Variants in CYB5B observed in about 807,000 individuals in gnomAD.
CYB5B encodes cytochrome b5 type B (outer mitochondrial membrane).
A neutral mutation model predicts 21.3 loss-of-function variants in CYB5B; 14 were observed. That is an observed-to-expected ratio of 0.66 (90% CI 0.43 to 1.03). The LOEUF is 1.03. Among genes scored for constraint, CYB5B ranks in the 50% least tolerant of loss-of-function variants. The pLI, the probability that CYB5B is intolerant of heterozygous loss-of-function variation, is 0.00. For missense variants in CYB5B, 166 were observed against 185.1 expected, an observed-to-expected ratio of 0.90 and a Z score of 0.60; for synonymous variants, 69 against 68.4, an observed-to-expected ratio of 1.01 and a Z score of -0.04.
chr16:69,434,795 G>A (rs1030567625), intron 1 of CYB5B, among the ~76,000 whole-genome samples: 21 of 151,162 alleles, frequency 1.4e-4, no homozygotes, highest in Middle Eastern at 3.4e-3. Context: ...CCCGGGAGGT[G>A]GAGGTTGCAG....
At chr16:69,424,966 G>C (rs183011244) in intron 1 of CYB5B, 109 bp downstream of exon 1, 1 of 1,160,216 alleles carries the variant, frequency 8.6e-7, no homozygotes, top group Non-Finnish European at 1.1e-6. Flanking sequence ...GCGATAAGGC[G>C]TAAGAAAGGG....
chr16:69,433,792 A>C (rs2014730567), intron 1 of CYB5B, among the ~76,000 whole-genome samples: 1 of 152,216 alleles, frequency 6.6e-6, no homozygotes, highest in Non-Finnish European at 1.5e-5. Context: ...ATGAGGGTGC[A>C]TTCTGAGAAC....
At chr16:69,460,188 C>T (rs562367572) in intron 4 of CYB5B, among the ~76,000 whole-genome samples, 16 of 151,766 alleles carry the variant, frequency 1.1e-4, no homozygotes, top group East Asian at 5.8e-4. Context: ...GAGCCAAGAT[C>T]GCTCCATTGC....
chr16:69,461,949 G>A (rs2015039396), intron 4 of CYB5B, among the ~76,000 whole-genome samples: 1 of 152,150 alleles, frequency 6.6e-6, no homozygotes, highest in Non-Finnish European at 1.5e-5. Flanking sequence ...TACATATGAA[G>A]CAGATAGGAT....
chr16:69,426,757 T>C (rs1178061088), intron 1 of CYB5B, among the ~76,000 whole-genome samples: 1 of 151,820 alleles, frequency 6.6e-6, no homozygotes, highest in Non-Finnish European at 1.5e-5. Flanking sequence ...ATTTTTTTTT[T>C]TTAACAGAGG....
In CYB5B at chr16:69,424,990, G is replaced by C. The variant is rs1362769879; in HGVS notation, c.174+133G>C. On this transcript the variant is annotated intron_variant, in intron 1 of 4. Coordinates refer to ENST00000307892, the MANE Select transcript of CYB5B (RefSeq NM_030579.3). ...CGTAAGAAAGGGATCACGACCCTCA[G>C]AGGGAAACTGGGGTGGGATTGGGGG... 28 of 939,472 alleles carry C rather than the reference G, an allele frequency of 3.0e-5. No homozygotes were observed. The South Asian group carries it at 5.8e-4, about 19-fold the overall frequency. 58.2% of individuals were successfully genotyped at this position (939,472 alleles called of 1,614,324 possible). A position where few individuals can be genotyped will look rare whatever the true frequency, so the allele number is the denominator to read the frequency against.
rs181254118 is a variant in CYB5B, at chr16:69,459,246, A to G, written c.362+125A>G. 723 of 1,182,198 alleles carry G rather than the reference A, an allele frequency of 6.1e-4. 5 individuals carry two copies. The highest frequency in any genetic ancestry group is 5.5e-3 in the African/African-American group (348 of 63,246). The allele number at this position is 1,182,198 out of a possible 1,614,324, so 73.2% of individuals were successfully genotyped here. On this transcript the variant is annotated intron_variant, in intron 4 of 4. Transcript: ENST00000307892. ...TGACAACTAATTCTTTTTTGGCCCA[A>G]ATCATTGCAAATTCAGTTGTTCCTT...
At chr16:69,425,049 C>T (rs1212792038) in intron 1 of CYB5B, among the ~76,000 whole-genome samples, 192 bp downstream of exon 1, 1 of 152,114 alleles carries the variant, frequency 6.6e-6, no homozygotes, top group African/African-American at 2.4e-5. Context: ...CCAGTCAGCT[C>T]CGAGTTCTGG....
chr16:69,457,234 C>T (rs1472575333), intron 3 of CYB5B, among the ~76,000 whole-genome samples: 1 of 152,136 alleles, frequency 6.6e-6, no homozygotes, highest in Non-Finnish European at 1.5e-5. Flanking sequence ...AAGGCTCACC[C>T]TACTTAGCAG....
intron 1 of CYB5B, among the ~76,000 whole-genome samples, chr16:69,429,078 C>G (rs2014677866): frequency 6.6e-6 from 1 of 152,190 alleles, no homozygotes; most frequent in Non-Finnish European, 1.5e-5. Flanking sequence ...TAGGATCGTT[C>G]TGACTACATT....
At chr16:69,428,355 C>G (rs544690707) in intron 1 of CYB5B, among the ~76,000 whole-genome samples, 34 of 151,876 alleles carry the variant, frequency 2.2e-4, no homozygotes, top group Non-Finnish European at 4.9e-4. Flanking sequence ...GTGGTAAGTG[C>G]TAAGAAGAAA....
intron 3 of CYB5B, among the ~76,000 whole-genome samples, chr16:69,456,147 T>G (rs906655372): frequency 1.7e-4 from 26 of 151,912 alleles, no homozygotes; most frequent in African/African-American, 6.1e-4. Context: ...TAAATATATT[T>G]ATTTATTTTT....
At chr16:69,425,691 C>A (rs929427733) in intron 1 of CYB5B, among the ~76,000 whole-genome samples, 1 of 152,182 alleles carries the variant, frequency 6.6e-6, no homozygotes, top group East Asian at 1.9e-4. Flanking sequence ...CCATTTCCAT[C>A]ATTCTAAAAA....
chr16:69,441,655 T>C (rs887201773), intron 1 of CYB5B, among the ~76,000 whole-genome samples: 3 of 152,344 alleles, frequency 2.0e-5, no homozygotes, highest in Admixed American at 2.0e-4. Context: ...CTGCCAGCAG[T>C]TGATCTCTCT....
rs766373453 is a variant in CYB5B at position 69,446,994 on chromosome 16, T to C, written c.175-156T>C. On this transcript the variant is annotated intron_variant, in intron 1 of 4. Coordinates refer to ENST00000307892, the MANE Select transcript of CYB5B (RefSeq NM_030579.3). ...GACCACAGTATCACAGAAGTTATGC[T>C]GTGTTCTTCCCATTGCATCCTGTCA... Among the ~76,000 whole-genome samples the C allele has an allele frequency of 5.5e-4, 84 of 152,340 alleles. 1 individual carries two copies. Among genetic ancestry groups the C allele is most frequent in the Non-Finnish European group, 1.0e-3 (70 of 68,028 alleles).
intron 1 of CYB5B, among the ~76,000 whole-genome samples, chr16:69,427,993 CAAAAA>C (rs71151104): frequency 9.9e-6 from 1 of 100,988 alleles, no homozygotes; most frequent in Non-Finnish European, 2.0e-5. Flanking sequence ...GACTCTGTCT[CAAAAA>C]AAAAAAAAAA....
At chr16:69,459,184 TA>T in intron 4 of CYB5B, 63 bp downstream of exon 4, 2 of 1,565,752 alleles carry the variant, frequency 1.3e-6, no homozygotes, top group Non-Finnish European at 1.7e-6. Context: ...GACTCTTCCA[TA>T]AGTATATGTA....
At chr16:69,427,981 C>CA in intron 1 of CYB5B, among the ~76,000 whole-genome samples, 1 of 142,042 alleles carries the variant, frequency 7.0e-6, no homozygotes, top group Non-Finnish European at 1.5e-5. Flanking sequence ...GGGCGACAGT[C>CA]AGACTCTGTC....
intron 1 of CYB5B, among the ~76,000 whole-genome samples, chr16:69,428,321 C>A (rs991519123): frequency 6.6e-6 from 1 of 152,028 alleles, no homozygotes. Flanking sequence ...GAGTAAATAA[C>A]TAAAATATAT....
Sources: gnomAD v4.1 joint callset for allele counts (sites outside exome capture counted in the v4.1 genomes callset) on GRCh38, gnomAD v4.1.1 for gene constraint, MANE v1.5 for transcripts, NCBI Gene and HGNC (gene_info 2026-07-23, HGNC 2026-07-21) for gene names.